COLEC12: variants seen among roughly 807,000 people sequenced by gnomAD.
The protein encoded by COLEC12 is collectin subfamily member 12.
COLEC12 carries 33 observed loss-of-function variants against 71.1 expected under a neutral mutation model. The observed-to-expected ratio is 0.46, with a 90% CI of 0.35 to 0.62. The LOEUF (loss-of-function observed/expected upper bound fraction) is 0.62. Among genes scored for constraint, COLEC12 ranks in the 20% least tolerant of loss-of-function variants. The pLI is 0.00. For missense variants in COLEC12, 765 were observed against 916.1 expected, an observed-to-expected ratio of 0.84 and a Z score of 2.13; for synonymous variants, 350 against 353.0, an observed-to-expected ratio of 0.99 and a Z score of 0.10.
chr18:369,716 G>T (rs1033573506), intron 2 of COLEC12, among the ~76,000 whole-genome samples: 3 of 152,158 alleles, frequency 2.0e-5, no homozygotes, highest in African/African-American at 7.2e-5. Flanking sequence ...TAGTGAAACT[G>T]AGAATGTTTA....
At chr18:441,208 A>G (rs186524150) in intron 2 of COLEC12, among the ~76,000 whole-genome samples, 40 of 151,070 alleles carry the variant, frequency 2.6e-4, no homozygotes, top group Middle Eastern at 3.4e-3. Context: ...AGATTGTGCC[A>G]CTGCACTCCA....
chr18:398,771 T>G (rs1915620694), intron 2 of COLEC12, among the ~76,000 whole-genome samples: 1 of 152,234 alleles, frequency 6.6e-6, no homozygotes, highest in African/African-American at 2.4e-5. Context: ...AAACTGACAT[T>G]GAAGCCAACT....
intron 2 of COLEC12, among the ~76,000 whole-genome samples, chr18:395,360 A>C (rs1202319359): frequency 6.6e-6 from 1 of 152,196 alleles, no homozygotes; most frequent in African/African-American, 2.4e-5. Context: ...TGTAGTTTTA[A>C]TTCTGGCACA....
intron 2 of COLEC12, among the ~76,000 whole-genome samples, chr18:431,463 GT>G (rs1277395779): frequency 6.6e-6 from 1 of 152,172 alleles, no homozygotes; most frequent in Non-Finnish European, 1.5e-5. Context: ...GACCCAACTG[GT>G]TATCAATAAA....
In COLEC12 at chr18:318,871, T is replaced by C. The variant is rs1169832832; in HGVS notation, c.*1174A>G. On this transcript the variant is annotated 3_prime_UTR_variant, in exon 10 of 10. Transcript: ENST00000400256. ...TTATCATGCGTATGCCTTGGAGTTA[T>C]GTTTTTGGAATATGACTTAAGAAAA... 4 of 152,228 alleles carry C rather than the reference T, an allele frequency of 2.6e-5. No individual in the cohort carries two copies. The highest frequency in any genetic ancestry group is 4.4e-5 in the Non-Finnish European group (3 of 68,032). 9.4% of individuals were successfully genotyped at this position (152,228 alleles called of 1,614,324 possible). A position where few individuals can be genotyped will look rare whatever the true frequency, so the allele number is the denominator to read the frequency against.
intron 2 of COLEC12, among the ~76,000 whole-genome samples, chr18:473,194 G>A (rs1397909923): frequency 2.0e-5 from 3 of 151,936 alleles, no homozygotes; most frequent in Admixed American, 6.6e-5. Context: ...CACCTCCCCC[G>A]CAAGCCCACA....
chr18:473,940 A>G (rs1598376554), intron 2 of COLEC12, among the ~76,000 whole-genome samples: 1 of 152,232 alleles, frequency 6.6e-6, no homozygotes, highest in South Asian at 2.1e-4. Context: ...ACCAGGATTC[A>G]TAAGTGAATG....
intron 2 of COLEC12, among the ~76,000 whole-genome samples, chr18:413,902 A>G (rs1472456529): frequency 1.3e-5 from 2 of 152,256 alleles, no homozygotes; most frequent in Non-Finnish European, 2.9e-5. Flanking sequence ...CCAATCATGA[A>G]TGGTTATATA....
chr18:448,148 T>C (rs1395750652), intron 2 of COLEC12, among the ~76,000 whole-genome samples: 3 of 152,268 alleles, frequency 2.0e-5, no homozygotes, highest in African/African-American at 4.8e-5. Context: ...TCAGTGCCTT[T>C]GTGTCTCTCT....
At chr18:344,754 T>C (rs1288897087) in intron 5 of COLEC12, among the ~76,000 whole-genome samples, 1 of 152,260 alleles carries the variant, frequency 6.6e-6, no homozygotes, top group Non-Finnish European at 1.5e-5. Flanking sequence ...GTCTCATCCA[T>C]TTATGAGCAG....
At chr18:339,938 A>G (rs767607005) in intron 5 of COLEC12, among the ~76,000 whole-genome samples, 14 of 152,086 alleles carry the variant, frequency 9.2e-5, no homozygotes, top group Admixed American at 5.2e-4. Flanking sequence ...AGGACCCGGG[A>G]TGCTGGCACT....
chr18:483,247 A>T (rs1273011278), intron 1 of COLEC12, among the ~76,000 whole-genome samples: 1 of 152,006 alleles, frequency 6.6e-6, no homozygotes, highest in African/African-American at 2.4e-5. Flanking sequence ...TAAAAATATA[A>T]AAATTAGCCG....
chr18:402,248 T>C (rs565867211), intron 2 of COLEC12, among the ~76,000 whole-genome samples: 87 of 152,268 alleles, frequency 5.7e-4, no homozygotes, highest in Non-Finnish European at 9.1e-4. Flanking sequence ...AGGTTTCCCG[T>C]TGGTTCCTCT....
In COLEC12 at chr18:316,891, C is replaced by T. The variant is rs1240658193; in HGVS notation, c.*3154G>A. The T allele has an allele frequency of 6.7e-6, 1 of 150,220 alleles. No homozygotes were observed. The highest frequency in any genetic ancestry group is 1.5e-5 in the Non-Finnish European group (1 of 67,400). 9.3% of individuals were successfully genotyped at this position (150,220 alleles called of 1,614,324 possible). ...CCCATCATATTTTACTAAAACTCTC[C>T]ACTCCAAAAGAGCATCAGTTGTGTG... On this transcript the variant is annotated 3_prime_UTR_variant, in exon 10 of 10. Transcript: ENST00000400256.
rs1190760816 is a variant in COLEC12, at chr18:500,666, CCCGCGCTCCCCGCGCTCCCGGCT to C, written c.-175_-153del. 1.8e-5 allele frequency: 6 copies of C among 332,140 alleles called. No individual in the cohort carries two copies. The highest frequency in any genetic ancestry group is 1.1e-4 in the South Asian group (1 of 8,782). The allele number at this position is 332,140 out of a possible 1,614,324, so 20.6% of individuals were successfully genotyped here. On this transcript the variant is annotated 5_prime_UTR_variant, in exon 1 of 10. Coordinates refer to ENST00000400256, the MANE Select transcript of COLEC12 (RefSeq NM_130386.3). This position sits in a 1 kb window ranked among gnomAD's most constrained non-coding sequence, Gnocchi z 5.3. Reference sequence around the variant, plus strand: ...CCCCGTCCTCCCTCGCCGCCGCCGGCCCGCGCTCCCCGCGCTCCCGGCTCCGCGCTCTGCTGCCTCGGGGCTGC... The same window carrying C: ...CCCCGTCCTCCCTCGCCGCCGCCGGCCCGCGCTCTGCTGCCTCGGGGCTGC...
intron 2 of COLEC12, among the ~76,000 whole-genome samples, chr18:420,343 T>G (rs73356589): frequency 0.016 from 2,422 of 151,912 alleles, 70 homozygotes; most frequent in African/African-American, 0.056. Flanking sequence ...ACAGGAAAAA[T>G]TTTCCTCTGG....
chr18:426,718 A>C (rs942657405), intron 2 of COLEC12, among the ~76,000 whole-genome samples: 10 of 152,170 alleles, frequency 6.6e-5, no homozygotes, highest in Admixed American at 1.3e-4. Context: ...ATAACACCTA[A>C]CATTTATTAA....
intron 8 of COLEC12, among the ~76,000 whole-genome samples, chr18:330,873 G>GTTTTT (rs60146586): frequency 9.0e-5 from 12 of 133,766 alleles, no homozygotes; most frequent in African/African-American, 8.4e-5. Context: ...CACATTTGTA[G>GTTTTT]TTTTTTTTTT....
intron 9 of COLEC12, 71 bp from the exon 10 acceptor site, chr18:320,135 G>A: frequency 1.2e-6 from 1 of 865,194 alleles, no homozygotes; most frequent in South Asian, 1.5e-5. Context: ...TTCAAAAAAA[G>A]GGAACGTGTA....
Sources: allele counts gnomAD v4.1 joint callset (sites outside exome capture counted in the v4.1 genomes callset), GRCh38; gene constraint gnomAD v4.1.1; non-coding constraint Gnocchi (gnomAD v3.1); transcripts MANE v1.5; gene names NCBI Gene and HGNC (gene_info 2026-07-23, HGNC 2026-07-21).